The following ABCC1 variants were observed in gnomAD, a reference collection of about 807,000 sequenced individuals.
ABCC1 encodes ATP binding cassette subfamily C member 1 (ABCC1 blood group), also known as multidrug resistance-associated protein 1.
In ABCC1, 83 loss-of-function variants were observed where a neutral mutation model predicts 172.9. The observed-to-expected ratio is 0.48, with a 90% confidence interval of 0.40 to 0.58. The LOEUF is 0.58. Among genes scored for constraint, ABCC1 ranks in the 20% least tolerant of loss-of-function variants. The pLI, the probability that ABCC1 is intolerant of heterozygous loss-of-function variation, is 0.00. For missense variants in ABCC1, 1,817 were observed against 2,002.7 expected, an observed-to-expected ratio of 0.91 and a Z score of 1.77; for synonymous variants, 937 against 825.2, an observed-to-expected ratio of 1.14 and a Z score of -2.32.
chr16:16,134,325 A>G (rs368410837), intron 27 of ABCC1, 25 bp from the exon 28 acceptor site: 1 of 1,612,810 alleles, frequency 6.2e-7, no homozygotes. Flanking sequence ...CATTCCCACC[A>G]CACCTGGGCC....
chr16:15,978,890 C>T lies in ABCC1; in HGVS notation c.49-28926C>T, dbSNP rs115920555. 5.2e-3 allele frequency among the ~76,000 whole-genome samples: 792 copies of T among 152,212 alleles called. 7 individuals carry two copies. Among genetic ancestry groups the T allele is most frequent in the African/African-American group, 0.017 (708 of 41,506 alleles). ...AATGCTATAAACATCCTGTGATACACGGGACAGACGTATCCAGCCTAAAAC... is the reference window on the plus strand; with the variant it reads ...AATGCTATAAACATCCTGTGATACATGGGACAGACGTATCCAGCCTAAAAC... On this transcript the variant is annotated intron_variant, in intron 1 of 30. Coordinates refer to ENST00000399410, the MANE Select transcript of ABCC1 (RefSeq NM_004996.4).
chr16:16,132,034 G>A lies in ABCC1; in HGVS notation c.3966+99G>A, dbSNP rs184924564. ...CTGCAGCGTCTCCCCAGTCACTCAC[G>A]GCTCCACACCTTTGCTTGAATGGCT... On this transcript the variant is annotated intron_variant, in intron 27 of 30. Coordinates refer to ENST00000399410, the MANE Select transcript of ABCC1 (RefSeq NM_004996.4). 140 of 1,450,906 alleles carry A rather than the reference G, an allele frequency of 9.6e-5. 1 individual carries two copies. The African/African-American group carries it at 1.6e-3, about 17-fold the overall frequency. 89.9% of individuals were successfully genotyped at this position (1,450,906 alleles called of 1,614,324 possible).
intron 6 of ABCC1, among the ~76,000 whole-genome samples, chr16:16,035,270 G>A (rs1013341097): frequency 1.3e-5 from 2 of 151,846 alleles, no homozygotes; most frequent in African/African-American, 2.4e-5. Context: ...GGCAGCACAC[G>A]CCTGTAATCC....
At chr16:15,984,883 G>A (rs1038003344) in intron 1 of ABCC1, among the ~76,000 whole-genome samples, 3 of 152,132 alleles carry the variant, frequency 2.0e-5, no homozygotes, top group Non-Finnish European at 4.4e-5. Context: ...TGGGAGGATT[G>A]CCTGAGCTCA....
chr16:15,978,078 A>G (rs1420954906), intron 1 of ABCC1, among the ~76,000 whole-genome samples: 1 of 152,164 alleles, frequency 6.6e-6, no homozygotes, highest in Non-Finnish European at 1.5e-5. Context: ...CTCTGATGAA[A>G]AGCAGGTATT....
intron 13 of ABCC1, 148 bp from the exon 14 acceptor site, chr16:16,071,494 C>A: frequency 1.6e-6 from 1 of 634,224 alleles, no homozygotes; most frequent in Non-Finnish European, 2.8e-6. Context: ...CTAAAGTATA[C>A]ACTGGTTCTA....
chr16:16,001,582 T>C (rs1207452793), intron 1 of ABCC1, among the ~76,000 whole-genome samples: 3 of 152,140 alleles, frequency 2.0e-5, no homozygotes, highest in Non-Finnish European at 2.9e-5. Flanking sequence ...TCTGCCCTAT[T>C]TATTAATGCA....
intron 21 of ABCC1, among the ~76,000 whole-genome samples, chr16:16,109,033 T>C (rs2052272363): frequency 6.6e-6 from 1 of 152,204 alleles, no homozygotes. Context: ...AAACACATTC[T>C]TAATTATGAC....
Position 16,132,510 on chromosome 16 carries a change from G to GTTTTTTTTTTTTTTT in ABCC1, c.3966+590_3966+604dup, listed in dbSNP as rs71137915. Among the ~76,000 whole-genome samples, 61 of 37,282 alleles carry GTTTTTTTTTTTTTTT rather than the reference G, an allele frequency of 1.6e-3. 6 individuals are homozygous for GTTTTTTTTTTTTTTT. The highest frequency in any genetic ancestry group is 2.1e-3 in the Non-Finnish European group (43 of 20,100). 24.5% of individuals were successfully genotyped at this position (37,282 alleles called of 152,430 possible). A position where few individuals can be genotyped will look rare whatever the true frequency, so the allele number is the denominator to read the frequency against. ...TTCTTTTTTTGTTTTTTGGTTGGTT[G>GTTTTTTTTTTTTTTT]TTTTTTTTTTTTTTTTTTTTTTTTT... On this transcript the variant is annotated intron_variant, in intron 27 of 30. Transcript: ENST00000399410.
chr16:16,047,147 C>T (rs138876223), intron 9 of ABCC1, among the ~76,000 whole-genome samples: 333 of 152,140 alleles, frequency 2.2e-3, no homozygotes, highest in African/African-American at 7.6e-3. Flanking sequence ...GCAGTGAGTC[C>T]TGATAGCATC....
Position 16,122,035 on chromosome 16 carries a change from G to A in ABCC1, c.3451G>A (p.Val1151Ile), listed in dbSNP as rs929112583. 1.2e-6 allele frequency: 2 copies of A among 1,614,174 alleles called. No individual in the cohort carries two copies. Among genetic ancestry groups the A allele is most frequent in the Non-Finnish European group, 1.7e-6 (2 of 1,180,030 alleles). Residue 1151 changes from valine to isoleucine, a missense_variant, in exon 24 of 31, where the codon GTC (valine) becomes ATC (isoleucine). Around this residue, in one of 3 missense-constraint regions of ABCC1, gnomAD observed 1,412 missense variants for 1,600.3 expected, o/e 0.88. Transcript: ENST00000399410. Reference protein sequence around the residue: ...KRLESVSRSPVYSHFNETLLG... With the variant: ...KRLESVSRSPIYSHFNETLLG... ...CCTCGAGTCGGTCAGCCGCTCCCCG[G>A]TCTATTCCCATTTCAACGAGACCTT...
intron 1 of ABCC1, among the ~76,000 whole-genome samples, chr16:15,951,202 T>A (rs1359882519): frequency 6.6e-6 from 1 of 152,176 alleles, no homozygotes; most frequent in African/African-American, 2.4e-5. Context: ...TTGCTGTGAA[T>A]TCCAGAATAT....
intron 1 of ABCC1, among the ~76,000 whole-genome samples, chr16:16,001,492 G>T (rs976318794): frequency 4.6e-5 from 7 of 151,984 alleles, no homozygotes; most frequent in Non-Finnish European, 8.8e-5. Context: ...GAGCCACCGC[G>T]CCCAGCCAGG....
Position 16,031,378 on chromosome 16 carries a change from C to G in ABCC1, c.616-1731C>G, listed in dbSNP as rs184243307. Among the ~76,000 whole-genome samples, 113 of 152,336 alleles carry G rather than the reference C, an allele frequency of 7.4e-4. 1 individual carries two copies. The highest frequency in any genetic ancestry group is 2.5e-3 in the African/African-American group (105 of 41,566). On this transcript the variant is annotated intron_variant, in intron 5 of 30. Coordinates refer to ENST00000399410, the MANE Select transcript of ABCC1 (RefSeq NM_004996.4). ...GGATGCATCCATGTTGAAAGCCAGG[C>G]TTTGTCTGTCATCCCAGGAGCTCTG...
intron 23 of ABCC1, among the ~76,000 whole-genome samples, chr16:16,119,579 T>C (rs1185774421): frequency 1.3e-5 from 2 of 152,018 alleles, no homozygotes; most frequent in Non-Finnish European, 2.9e-5. Flanking sequence ...CAATTCCAGC[T>C]ACTTAGGAGG....
At chr16:16,013,393 C>T (rs896374806) in intron 3 of ABCC1, among the ~76,000 whole-genome samples, 23 of 151,900 alleles carry the variant, frequency 1.5e-4, no homozygotes, top group Non-Finnish European at 2.2e-4. Flanking sequence ...GCCTCAGCTT[C>T]CCAGCTAGCT....
At chr16:16,099,706 C>T (rs896156245) in intron 19 of ABCC1, among the ~76,000 whole-genome samples, 1 of 152,146 alleles carries the variant, frequency 6.6e-6, no homozygotes, top group Non-Finnish European at 1.5e-5. Context: ...TCAGACAGTG[C>T]CCACCTTGGC....
chr16:16,060,892 C>T (rs2049880766), intron 12 of ABCC1, among the ~76,000 whole-genome samples: 1 of 152,052 alleles, frequency 6.6e-6, no homozygotes, highest in Non-Finnish European at 1.5e-5. Flanking sequence ...TCTCAGCTCA[C>T]TGCAATCTCT....
At chr16:15,969,233 AT>A (rs924595191) in intron 1 of ABCC1, among the ~76,000 whole-genome samples, 2 of 152,008 alleles carry the variant, frequency 1.3e-5, no homozygotes, top group African/African-American at 4.8e-5. Flanking sequence ...TATAGTCTTT[AT>A]TTTTTTGTTT....
Sources: gnomAD v4.1 joint callset for allele counts (sites outside exome capture counted in the v4.1 genomes callset) on GRCh38, gnomAD v4.1.1 for gene constraint, gnomAD v4.1.1 regional missense constraint, MANE v1.5 for transcripts, NCBI Gene and HGNC (gene_info 2026-07-23, HGNC 2026-07-21) for gene names.